The following ANGPTL2 variants were observed in gnomAD, a reference collection of about 807,000 sequenced individuals.
The protein encoded by ANGPTL2 is angiopoietin-related protein 2.
ANGPTL2 carries 25 observed loss-of-function variants against 52.8 expected under a neutral mutation model. That is an observed-to-expected ratio of 0.47 (90% CI 0.35 to 0.66). The LOEUF is 0.66. Among genes scored for constraint, ANGPTL2 ranks in the 30% least tolerant of loss-of-function variants. ANGPTL2 has a pLI of 0.01. For missense variants in ANGPTL2, 546 were observed against 656.9 expected (o/e 0.83, Z 1.84); for synonymous variants, 276 against 277.4 (o/e 1.00, Z 0.05).
At chr9:127,111,682 A>G (rs922689219) in intron 1 of ANGPTL2, among the ~76,000 whole-genome samples, 1 of 152,338 alleles carries the variant, frequency 6.6e-6, no homozygotes, top group South Asian at 2.1e-4. Flanking sequence ...AGTGTTTTCC[A>G]GTTTCCCGTG....
At chr9:127,094,571 T>C (rs998048236) in intron 2 of ANGPTL2, among the ~76,000 whole-genome samples, 3 of 152,262 alleles carry the variant, frequency 2.0e-5, no homozygotes, top group Non-Finnish European at 4.4e-5. Context: ...TTTGGCCATG[T>C]AGCCAGAGAC....
chr9:127,089,097 C>T lies in ANGPTL2; in HGVS notation c.1324G>A (p.Ala442Thr), dbSNP rs776774899. 16 of 1,614,068 alleles carry T rather than the reference C, an allele frequency of 9.9e-6. No individual in the cohort carries two copies. The highest frequency in any genetic ancestry group is 2.2e-5 in the South Asian group (2 of 91,092). ...CCGTTGAGGTTGGAGTGGGCACAGGCGTTATACCACCAGCCTCCCTTCTGG... is the reference window on the plus strand; with the variant it reads ...CCGTTGAGGTTGGAGTGGGCACAGGTGTTATACCACCAGCCTCCCTTCTGG... ...HYQKGGWWYN[A>T]CAHSNLNGVW... The change falls in exon 5 of 5, where the codon GCC (alanine) becomes ACC (threonine). Residue 442 changes from alanine to threonine, a missense_variant. Physicochemically the swap from Ala to Thr is moderately conservative, Grantham distance 58 (BLOSUM62 0). Coordinates refer to ENST00000373425, the MANE Select transcript of ANGPTL2 (RefSeq NM_012098.3).
chr9:127,105,139 G>A (rs1229166252), intron 2 of ANGPTL2, among the ~76,000 whole-genome samples: 1 of 152,200 alleles, frequency 6.6e-6, no homozygotes, highest in Non-Finnish European at 1.5e-5. Context: ...AGCGCCTTGT[G>A]TGGGAGCTCA....
chr9:127,111,641 A>G (rs763866065), intron 1 of ANGPTL2, among the ~76,000 whole-genome samples: 6 of 152,226 alleles, frequency 3.9e-5, no homozygotes, highest in Non-Finnish European at 8.8e-5. Context: ...AAGGTCCGCT[A>G]TATACCTGAC....
Position 127,088,704 on chromosome 9 carries a change from G to C in ANGPTL2, c.*235C>G, listed in dbSNP as rs2052069091. On this transcript the variant is annotated 3_prime_UTR_variant, in exon 5 of 5. Coordinates refer to ENST00000373425, the MANE Select transcript of ANGPTL2 (RefSeq NM_012098.3). ...TAAAGAAAGAGTTGTCTGTAGTCCT[G>C]TCCTGTCCTGGAGACATGAGGGGCT... 6.9e-6 allele frequency: 4 copies of C among 580,272 alleles called. No individual in the cohort carries two copies. Among genetic ancestry groups the C allele is most frequent in the African/African-American group, 3.7e-5 (2 of 53,542 alleles). 35.9% of individuals were successfully genotyped at this position (580,272 alleles called of 1,614,324 possible).
intron 2 of ANGPTL2, among the ~76,000 whole-genome samples, chr9:127,101,976 T>C (rs2053777228): frequency 6.6e-6 from 1 of 152,114 alleles, no homozygotes; most frequent in Non-Finnish European, 1.5e-5. Context: ...TCTTGAGATA[T>C]AAGATGAGGA....
rs546545404 is a variant in ANGPTL2, at chr9:127,109,454, G to A, written c.-49-674C>T. ...TCAGTGGAAGGATGTGTCCAGTTAC[G>A]TGGCTCTGGTCACTGTGTTAGCTAA... On this transcript the variant is annotated intron_variant, in intron 1 of 4. Coordinates refer to ENST00000373425, the MANE Select transcript of ANGPTL2 (RefSeq NM_012098.3). Among the ~76,000 whole-genome samples, 5 of 152,342 alleles carry A rather than the reference G, an allele frequency of 3.3e-5. No homozygotes were observed. In the South Asian group the frequency reaches 6.2e-4, roughly 19 times the overall value.
In ANGPTL2 at chr9:127,117,100, A is replaced by G. The variant is rs912315416; in HGVS notation, c.-50+5215T>C. ...TGTTGTCATGCCTCCCTGCCTTTGC[A>G]TGTGCTGTGCTTCCTGCCTCGAGTA... On this transcript the variant is annotated intron_variant, in intron 1 of 4. Coordinates refer to ENST00000373425, the MANE Select transcript of ANGPTL2 (RefSeq NM_012098.3). Among the ~76,000 whole-genome samples, 4 of 152,322 alleles carry G rather than the reference A, an allele frequency of 2.6e-5. No individual in the cohort carries two copies. In the South Asian group the frequency reaches 6.2e-4, roughly 24 times the overall value.
Position 127,089,140 on chromosome 9 carries a change from T to C in ANGPTL2, c.1283-2A>G. The stretch of plus-strand genomic sequence containing the variant: ...CCTTCTGGTAGTGGGCACAGTTTCC[T>C]GCAAGAGAGAAGGCAGTGAGAGGGT... On this transcript the variant is annotated splice_acceptor_variant, in intron 4 of 4. Coordinates refer to ENST00000373425, the MANE Select transcript of ANGPTL2 (RefSeq NM_012098.3). LOFTEE classifies it high-confidence loss of function. 1 of 1,614,160 alleles carries C rather than the reference T, an allele frequency of 6.2e-7. No homozygotes were observed. Among genetic ancestry groups the C allele is most frequent in the Non-Finnish European group, 8.5e-7 (1 of 1,179,994 alleles).
At chr9:127,110,256 G>GGC (rs1171332176) in intron 1 of ANGPTL2, among the ~76,000 whole-genome samples, 1 of 152,136 alleles carries the variant, frequency 6.6e-6, no homozygotes, top group Non-Finnish European at 1.5e-5. Flanking sequence ...CAGATGGAAG[G>GGC]GCTGGTTCTT....
intron 2 of ANGPTL2, 118 bp from the exon 3 acceptor site, chr9:127,094,044 C>T (rs2052819084): frequency 2.2e-5 from 26 of 1,158,294 alleles, no homozygotes; most frequent in Non-Finnish European, 2.8e-5. Flanking sequence ...CACAGGCCCA[C>T]GGTCTGAGGT....
Position 127,108,710 on chromosome 9 carries a change from A to G in ANGPTL2, c.22T>C (p.Cys8Arg). The G allele has an allele frequency of 6.2e-7, 1 of 1,611,982 alleles. No homozygotes were observed. The highest frequency in any genetic ancestry group is 8.5e-7 in the Non-Finnish European group (1 of 1,178,982). The change falls in exon 2 of 5, where the codon TGC becomes CGC. Residue 8 changes from cysteine (C) to arginine (R), a missense_variant. Coordinates refer to ENST00000373425, the MANE Select transcript of ANGPTL2 (RefSeq NM_012098.3). ...GCAGCCAGCAGTCCGAGCCACCAGCATGTCACGCACAGTGGCCTCATGGTC... is the reference window on the plus strand; with the variant it reads ...GCAGCCAGCAGTCCGAGCCACCAGCGTGTCACGCACAGTGGCCTCATGGTC... MRPLCVT[C>R]WWLGLLAAMG... is the part of the protein sequence containing the mutation.
intron 1 of ANGPTL2, among the ~76,000 whole-genome samples, chr9:127,114,091 T>G (rs2055146054): frequency 6.6e-6 from 1 of 152,228 alleles, no homozygotes. Context: ...TTTATATACA[T>G]TATCTCACTT....
chr9:127,103,425 G>C (rs534112580), intron 2 of ANGPTL2, among the ~76,000 whole-genome samples: 21 of 152,324 alleles, frequency 1.4e-4, no homozygotes, highest in Non-Finnish European at 7.3e-5. Context: ...CATTTATACA[G>C]TCAGGGCTAA....
intron 2 of ANGPTL2, among the ~76,000 whole-genome samples, chr9:127,104,428 C>T (rs1156763000): frequency 4.6e-5 from 7 of 152,230 alleles, no homozygotes; most frequent in Non-Finnish European, 8.8e-5. Context: ...CTGGAGCCTT[C>T]CTCTTCTAAT....
chr9:127,096,366 T>G (rs898970848), intron 2 of ANGPTL2, among the ~76,000 whole-genome samples: 2 of 152,170 alleles, frequency 1.3e-5, no homozygotes, highest in African/African-American at 4.8e-5. Flanking sequence ...GGCCGTTCGA[T>G]GTGAATGCTG....
intron 2 of ANGPTL2, among the ~76,000 whole-genome samples, chr9:127,095,262 G>C (rs1473226141): frequency 6.6e-6 from 1 of 152,162 alleles, no homozygotes; most frequent in African/African-American, 2.4e-5. Context: ...GCCGTGTGTG[G>C]TGGCACGCAC....
intron 2 of ANGPTL2, among the ~76,000 whole-genome samples, chr9:127,101,531 A>T (rs971462765): frequency 9.9e-5 from 15 of 152,068 alleles, no homozygotes; most frequent in African/African-American, 3.6e-4. Context: ...CACCATCCTG[A>T]GCTGCATCCC....
intron 2 of ANGPTL2, among the ~76,000 whole-genome samples, chr9:127,106,465 A>G (rs1210058085): frequency 6.6e-6 from 1 of 152,244 alleles, no homozygotes; most frequent in Non-Finnish European, 1.5e-5. Context: ...TGTGCTAAAC[A>G]TGTTTTTTGC....
Sources: allele counts gnomAD v4.1 joint callset (sites outside exome capture counted in the v4.1 genomes callset), GRCh38; gene constraint gnomAD v4.1.1; transcripts MANE v1.5; gene names NCBI Gene and HGNC (gene_info 2026-07-23, HGNC 2026-07-21).